EPM2A: variants seen among roughly 807,000 people sequenced by gnomAD.
EPM2A encodes the protein laforin.
A neutral mutation model predicts 26.5 loss-of-function variants in EPM2A; 21 were observed. The ratio of observed to expected loss-of-function variants is 0.79; its 90% CI spans 0.56 to 1.14. EPM2A has a LOEUF of 1.14. Ranked by LOEUF, EPM2A falls within the 50% of genes most tolerant of loss-of-function variation. The pLI, the probability that EPM2A is intolerant of heterozygous loss-of-function variation, is 0.00. For synonymous variants in EPM2A, 217 were observed against 177.6 expected (o/e 1.22, Z -1.76); for missense variants, 458 against 440.8 (o/e 1.04, Z -0.35).
At chr6:145,520,485 C>T (rs933312328) in intron 2 of EPM2A, among the ~76,000 whole-genome samples, 4 of 152,288 alleles carry the variant, frequency 2.6e-5, no homozygotes, top group Admixed American at 2.6e-4. Flanking sequence ...TACTCTTAAT[C>T]TCTCCCTGGA....
chr6:145,495,605 T>C (rs1779807732), intron 4 of EPM2A, among the ~76,000 whole-genome samples: 1 of 152,160 alleles, frequency 6.6e-6, no homozygotes, highest in South Asian at 2.1e-4. Context: ...TTAGATGGAA[T>C]CTTGATCTGT....
chr6:145,651,695 GA>G (rs1186692235), intron 2 of EPM2A, among the ~76,000 whole-genome samples: 1 of 152,130 alleles, frequency 6.6e-6, no homozygotes, highest in African/African-American at 2.4e-5. Context: ...AACTGAAAGA[GA>G]AAAAGGAGTG....
At chr6:145,703,241 G>A (rs933588461) in intron 1 of EPM2A, among the ~76,000 whole-genome samples, 5 of 151,840 alleles carry the variant, frequency 3.3e-5, no homozygotes, top group African/African-American at 9.7e-5. Context: ...ACAGGCGTCC[G>A]CCACCACGCC....
At chr6:145,620,321 A>G (rs1168548035), downstream of EPM2A, among the ~76,000 whole-genome samples, 1 of 152,116 alleles carries the variant, frequency 6.6e-6, no homozygotes, top group African/African-American at 2.4e-5. Flanking sequence ...TGACAATCTG[A>G]TGCCGCTGCT....
At chr6:145,608,290 A>AG (rs1273120651) in intron 2 of EPM2A, among the ~76,000 whole-genome samples, 4 of 152,342 alleles carry the variant, frequency 2.6e-5, no homozygotes, top group Admixed American at 1.3e-4. Flanking sequence ...ATAGGAAAAA[A>AG]GTATAGTGTT....
At chr6:145,550,175 A>T (rs1419594424) in intron 2 of EPM2A, among the ~76,000 whole-genome samples, 2 of 152,066 alleles carry the variant, frequency 1.3e-5, no homozygotes, top group African/African-American at 4.8e-5. Context: ...CTGAACTTAC[A>T]TCATTTGCCT....
chr6:145,662,284 C>T (rs1003610431), intron 2 of EPM2A, among the ~76,000 whole-genome samples: 1 of 152,118 alleles, frequency 6.6e-6, no homozygotes, highest in African/African-American at 2.4e-5. Context: ...CATTCCTGAT[C>T]ATTTGTATAA....
intron 4 of EPM2A, among the ~76,000 whole-genome samples, chr6:145,405,889 T>G (rs892519844): frequency 2.0e-5 from 3 of 152,078 alleles, no homozygotes; most frequent in African/African-American, 7.2e-5. Flanking sequence ...CTCAATCTTA[T>G]TATTCCATCA....
chr6:145,488,757 A>C lies in EPM2A; in HGVS notation c.555+13765T>G, dbSNP rs568122156. Among the ~76,000 whole-genome samples the C allele has an allele frequency of 2.6e-5, 4 of 152,244 alleles. No homozygotes were observed. In the East Asian group the frequency reaches 5.8e-4, roughly 22 times the overall value. ...TTTATTTTAAATACATTAATTTTTA[A>C]ATGATGCTCATCTTTTTTTCATCTG... On this transcript the variant is annotated intron_variant, in intron 4 of 4. Coordinates refer to the EPM2A transcript ENST00000638717.
chr6:145,654,471 T>C (rs530219135), intron 2 of EPM2A, among the ~76,000 whole-genome samples: 1 of 152,288 alleles, frequency 6.6e-6, no homozygotes, highest in African/African-American at 2.4e-5. Flanking sequence ...AATAAAAACA[T>C]ACTAATTTCA....
At chr6:145,386,892 C>A (rs1219056570) in intron 4 of EPM2A, among the ~76,000 whole-genome samples, 2 of 152,132 alleles carry the variant, frequency 1.3e-5, no homozygotes, top group Non-Finnish European at 2.9e-5. Context: ...TAACAGAAAT[C>A]TACTTAAAGT....
At chr6:145,568,985 G>A (rs1780920656) in intron 2 of EPM2A, among the ~76,000 whole-genome samples, 1 of 152,180 alleles carries the variant, frequency 6.6e-6, no homozygotes, top group African/African-American at 2.4e-5. Context: ...CAACACAATG[G>A]AATTGAAAGG....
chr6:145,699,137 T>C (rs915346739), intron 1 of EPM2A, among the ~76,000 whole-genome samples: 2 of 152,214 alleles, frequency 1.3e-5, no homozygotes, highest in African/African-American at 4.8e-5. Flanking sequence ...TTGTTATGTA[T>C]CCAGTCCTAT....
rs138322357 is a variant in EPM2A, at chr6:145,679,298, T to C, written c.476+6824A>G. Among the ~76,000 whole-genome samples the C allele has an allele frequency of 7.5e-3, 1,140 of 151,970 alleles. 83 individuals carry two copies. The East Asian group carries it at 0.17, about 23-fold the overall frequency. Reference sequence around the variant, plus strand: ...GGGGGCGGGATATCATTAGAAGAAATACCTAATGTAAATGACGAGTTGATG... The same window carrying C: ...GGGGGCGGGATATCATTAGAAGAAACACCTAATGTAAATGACGAGTTGATG... On this transcript the variant is annotated intron_variant, in intron 2 of 3. Transcript: ENST00000367519.
chr6:145,719,909 G>C (rs1775860437), intron 1 of EPM2A, among the ~76,000 whole-genome samples: 1 of 151,168 alleles, frequency 6.6e-6, no homozygotes, highest in Non-Finnish European at 1.5e-5. Flanking sequence ...CTTCTCAGTG[G>C]TTAATACCAA....
intron 4 of EPM2A, chr6:145,489,797 G>C (rs1477889214): frequency 2.8e-6 from 4 of 1,434,094 alleles, no homozygotes; most frequent in Non-Finnish European, 2.9e-6. Context: ...TAGATTTCTG[G>C]GGTCACGTGG....
chr6:145,613,251 CATG>C (rs1775430766), intron 2 of EPM2A, among the ~76,000 whole-genome samples: 1 of 152,070 alleles, frequency 6.6e-6, no homozygotes, highest in African/African-American at 2.4e-5. Context: ...CAAGTTTTAT[CATG>C]ATATTTCAGC....
intron 2 of EPM2A, among the ~76,000 whole-genome samples, chr6:145,525,637 A>C (rs1241289029): frequency 2.0e-5 from 3 of 152,086 alleles, no homozygotes; most frequent in African/African-American, 7.2e-5. Context: ...ATTTGTGTAC[A>C]TTGATTTTGT....
chr6:145,503,303 G>C (rs1309442118), intron 2 of EPM2A, among the ~76,000 whole-genome samples: 1 of 150,124 alleles, frequency 6.7e-6, no homozygotes, highest in African/African-American at 2.5e-5. Flanking sequence ...AAGTCAAATT[G>C]TCCCTGTTTG....
Sources: gnomAD v4.1 joint callset for allele counts (sites outside exome capture counted in the v4.1 genomes callset) on GRCh38, gnomAD v4.1.1 for gene constraint, MANE v1.5 for transcripts, NCBI Gene and HGNC (gene_info 2026-07-23, HGNC 2026-07-21) for gene names.